Variants in MAF observed in about 807,000 individuals in gnomAD.
The protein encoded by MAF is transcription factor Maf.
MAF carries 10 observed loss-of-function variants against 22.0 expected under a neutral mutation model. The ratio of observed to expected loss-of-function variants is 0.45; its 90% CI spans 0.28 to 0.77. The LOEUF (loss-of-function observed/expected upper bound fraction) is 0.77, where lower values mean the gene tolerates loss of function less well. MAF is among the 30% of genes least tolerant of loss of function. The probability of loss-of-function intolerance (pLI) is 0.12; values close to 1 mark genes in which losing one functional copy is unlikely to be tolerated. For synonymous variants in MAF, 337 were observed against 255.8 expected (o/e 1.32, Z -3.03); for missense variants, 544 against 548.4 (o/e 0.99, Z 0.08).
At chr16:79,288,537 G>T in the MAF span, among the ~76,000 whole-genome samples, 7 of 152,152 alleles carry the variant, frequency 4.6e-5, no homozygotes. Context: ...TGAGCCCTGT[G>T]TGAATTCCTG....
chr16:79,227,865 G>A, the MAF span, among the ~76,000 whole-genome samples: 1 of 152,126 alleles, frequency 6.6e-6, no homozygotes, highest in Non-Finnish European at 1.5e-5. Flanking sequence ...AATCCTGGGT[G>A]TAGACCACAA....
the MAF span, among the ~76,000 whole-genome samples, chr16:79,305,345 A>T: frequency 6.6e-6 from 1 of 152,216 alleles, no homozygotes; most frequent in Non-Finnish European, 1.5e-5. Context: ...AGGACTGCAG[A>T]GGTGAGGTAT....
chr16:79,431,465 C>T, the MAF span, among the ~76,000 whole-genome samples: 2 of 152,204 alleles, frequency 1.3e-5, no homozygotes, highest in Non-Finnish European at 2.9e-5. Flanking sequence ...CATACATACA[C>T]TGTGCATCTT....
chr16:79,211,850 G>C, the MAF span: 14 of 1,608,606 alleles, frequency 8.7e-6, no homozygotes, highest in East Asian at 2.2e-5. Flanking sequence ...GTCCCCTCAC[G>C]CAAGTGCCAG....
At chr16:79,441,662 G>A in the MAF span, among the ~76,000 whole-genome samples, 1 of 152,212 alleles carries the variant, frequency 6.6e-6, no homozygotes, top group African/African-American at 2.4e-5. Flanking sequence ...ACAGTGGCCT[G>A]CCCTGGCTCA....
chr16:79,295,406 A>T, the MAF span, among the ~76,000 whole-genome samples: 1 of 152,204 alleles, frequency 6.6e-6, no homozygotes, highest in Non-Finnish European at 1.5e-5. Flanking sequence ...ATGTGCAGAA[A>T]ATGGAAGTGA....
At chr16:79,486,120 C>G in the MAF span, among the ~76,000 whole-genome samples, 1 of 152,156 alleles carries the variant, frequency 6.6e-6, no homozygotes, top group Non-Finnish European at 1.5e-5. Flanking sequence ...ACTATCGCTT[C>G]CATGCTCACC....
chr16:79,265,058 A>AT, the MAF span, among the ~76,000 whole-genome samples: 4 of 152,028 alleles, frequency 2.6e-5, no homozygotes, highest in African/African-American at 9.7e-5. Context: ...AAGTCAAGTA[A>AT]TTTTTTTTAA....
At chr16:79,453,761 G>C in the MAF span, among the ~76,000 whole-genome samples, 1 of 152,156 alleles carries the variant, frequency 6.6e-6, no homozygotes, top group African/African-American at 2.4e-5. Flanking sequence ...TATTCTCTTT[G>C]ATTCATTCAG....
chr16:79,491,853 G>C, the MAF span, among the ~76,000 whole-genome samples: 1 of 152,068 alleles, frequency 6.6e-6, no homozygotes, highest in East Asian at 1.9e-4. Flanking sequence ...GAGGAAAGGG[G>C]GATTTTAGTG....
chr16:79,392,240 G>A, the MAF span, among the ~76,000 whole-genome samples: 1 of 148,194 alleles, frequency 6.7e-6, no homozygotes, highest in Non-Finnish European at 1.5e-5. Context: ...AGGAGGGGGA[G>A]AGGAGAAAGA....
At chr16:79,296,836 G>A in the MAF span, among the ~76,000 whole-genome samples, 1 of 152,160 alleles carries the variant, frequency 6.6e-6, no homozygotes, top group Non-Finnish European at 1.5e-5. Flanking sequence ...AGGCCACTGA[G>A]GAAGTTCAGT....
chr16:79,550,607 A>G, the MAF span, among the ~76,000 whole-genome samples: 1 of 152,298 alleles, frequency 6.6e-6, no homozygotes, highest in East Asian at 1.9e-4. Context: ...GCCACCTGGC[A>G]GACAGGATCA....
At chr16:79,309,582 T>G in the MAF span, among the ~76,000 whole-genome samples, 1 of 152,226 alleles carries the variant, frequency 6.6e-6, no homozygotes, top group Non-Finnish European at 1.5e-5. Context: ...TAAAGGAGGC[T>G]CATAACACCT....
the MAF span, among the ~76,000 whole-genome samples, chr16:79,286,462 G>T: frequency 1.3e-5 from 2 of 152,162 alleles, no homozygotes; most frequent in Non-Finnish European, 2.9e-5. Flanking sequence ...ACTACTTAGT[G>T]GGTTCTTGAT....
chr16:79,339,759 C>T, the MAF span, among the ~76,000 whole-genome samples: 19 of 152,056 alleles, frequency 1.2e-4, no homozygotes, highest in African/African-American at 4.6e-4. Flanking sequence ...ACAAAAGAAA[C>T]AAAGTACAAT....
the MAF span, among the ~76,000 whole-genome samples, chr16:79,446,367 A>G: frequency 6.6e-6 from 1 of 152,042 alleles, no homozygotes; most frequent in Non-Finnish European, 1.5e-5. Flanking sequence ...TGCCTTGCCT[A>G]GCTGGAGTGT....
chr16:79,504,502 G>A, the MAF span, among the ~76,000 whole-genome samples: 1 of 152,208 alleles, frequency 6.6e-6, no homozygotes, highest in African/African-American at 2.4e-5. Context: ...TGAAGATTAG[G>A]TGGGAATCCC....
chr16:79,397,771 C>A, the MAF span, among the ~76,000 whole-genome samples: 2 of 152,088 alleles, frequency 1.3e-5, no homozygotes, highest in Admixed American at 1.3e-4. Context: ...GGGTAGAGCC[C>A]CCCTCCCCGG....
Sources: gnomAD v4.1 joint callset for allele counts (sites outside exome capture counted in the v4.1 genomes callset) on GRCh38, gnomAD v4.1.1 for gene constraint, MANE v1.5 for transcripts, NCBI Gene and HGNC (gene_info 2026-07-23, HGNC 2026-07-21) for gene names.